The following PIWIL2 variants were observed in gnomAD, a reference collection of about 807,000 sequenced individuals.
The protein encoded by PIWIL2 is piwi like RNA-mediated gene silencing 2.
In PIWIL2, 81 loss-of-function variants were observed where a neutral mutation model predicts 116.5. The ratio of observed to expected loss-of-function variants is 0.70; its 90% confidence interval spans 0.58 to 0.84. PIWIL2 has a LOEUF of 0.84. Ranked by LOEUF, PIWIL2 falls within the 40% of genes least tolerant of loss-of-function variation. The probability of loss-of-function intolerance (pLI) is 0.00; values close to 1 mark genes in which losing one functional copy is unlikely to be tolerated. For synonymous variants in PIWIL2, 489 were observed against 429.5 expected (o/e 1.14, Z -1.71); for missense variants, 1,272 against 1,212.3 (o/e 1.05, Z -0.73).
At chr8:22,316,839 G>A (rs1021691763) in intron 19 of PIWIL2, among the ~76,000 whole-genome samples, 13 of 151,204 alleles carry the variant, frequency 8.6e-5, no homozygotes, top group Admixed American at 2.6e-4. Context: ...CTCCACTGGA[G>A]TGCAGTGGCA....
At chr8:22,317,862 C>T (rs956178645) in intron 19 of PIWIL2, among the ~76,000 whole-genome samples, 22 of 151,908 alleles carry the variant, frequency 1.4e-4, no homozygotes, top group African/African-American at 4.8e-4. Context: ...GGGGTTTCAC[C>T]GTGTTAGCCA....
At chr8:22,353,270 T>A (rs890375807) in intron 21 of PIWIL2, 58 bp downstream of exon 21, 2 of 1,481,768 alleles carry the variant, frequency 1.3e-6, no homozygotes, top group Admixed American at 3.6e-5. Context: ...GTTGTCACTT[T>A]CCTGAGTATT....
intron 3 of PIWIL2, 24 bp from the exon 4 acceptor site, chr8:22,281,353 C>G (rs760851991): frequency 5.0e-6 from 8 of 1,600,406 alleles, no homozygotes; most frequent in Non-Finnish European, 6.8e-6. Context: ...ATAGTCATTG[C>G]TGGGGTTCGG....
intron 20 of PIWIL2, among the ~76,000 whole-genome samples, chr8:22,331,673 G>T (rs1255137951): frequency 6.6e-6 from 1 of 152,080 alleles, no homozygotes; most frequent in Non-Finnish European, 1.5e-5. Context: ...CCAGCAACTG[G>T]CTTACACAAC....
chr8:22,328,818 G>GTTTTTTTTTTT (rs57027657), intron 20 of PIWIL2, among the ~76,000 whole-genome samples: 17 of 107,138 alleles, frequency 1.6e-4, no homozygotes, highest in East Asian at 3.1e-4. Flanking sequence ...AGCTCTAGTC[G>GTTTTTTTTTTT]TTTTTTTTTT....
intron 7 of PIWIL2, among the ~76,000 whole-genome samples, chr8:22,288,315 A>C (rs1416340500): frequency 6.6e-6 from 1 of 151,932 alleles, no homozygotes; most frequent in Admixed American, 6.6e-5. Context: ...AAAAAAAAAA[A>C]AAATTGCAAA....
chr8:22,290,137 G>A (rs1830725765), intron 9 of PIWIL2, 96 bp from the exon 10 acceptor site: 1 of 752,638 alleles, frequency 1.3e-6, no homozygotes, highest in African/African-American at 1.7e-5. Context: ...TACTATTAGG[G>A]AAGGGCAGTA....
intron 20 of PIWIL2, among the ~76,000 whole-genome samples, chr8:22,351,361 C>T (rs1394852079): frequency 7.2e-6 from 1 of 138,588 alleles, no homozygotes; most frequent in African/African-American, 2.7e-5. Context: ...TAAAGGGATT[C>T]TAAGTGCTTA....
Position 22,284,146 on chromosome 8 carries a change from TG to T in PIWIL2, c.633-15del, listed in dbSNP as rs1296637459. On this transcript the variant is annotated splice_polypyrimidine_tract_variant and intron_variant, in intron 5 of 22. Transcript: ENST00000356766. ...GTTTTTGATATATGCAGTTGCTTTT[TG>T]TTTTTATTTTCTAGAGAGCTTATTG... The T allele has an allele frequency of 6.8e-7, 1 of 1,464,048 alleles. No individual in the cohort carries two copies. Among genetic ancestry groups the T allele is most frequent in the East Asian group, 2.3e-5 (1 of 43,698 alleles). The allele number at this position is 1,464,048 out of a possible 1,614,324, so 90.7% of individuals were successfully genotyped here.
At position 22,310,013 on chromosome 8, in the gene PIWIL2, T is replaced by G; in HGVS notation, c.1739T>G (p.Phe580Cys). 2 of 1,612,226 alleles carry G rather than the reference T, an allele frequency of 1.2e-6. No homozygotes were observed. Among genetic ancestry groups the G allele is most frequent in the South Asian group, 1.1e-5 (1 of 91,026 alleles). The change falls in exon 15 of 23, where the codon TTT becomes TGT. Residue 580 changes from phenylalanine to cysteine, a missense_variant. Phe to Cys is a radical substitution (Grantham distance 205, BLOSUM62 -2). Transcript: ENST00000356766. ...MERINLKNTS[F>C]ITSQELNWVK... ...AGAATTAACTTAAAAAATACTTCGT[T>G]TATCACATCTCAGGAACTAAACTGG... is the stretch of plus-strand genomic sequence containing the variant.
chr8:22,333,994 G>A (rs945799560), intron 20 of PIWIL2, among the ~76,000 whole-genome samples: 4 of 150,330 alleles, frequency 2.7e-5, no homozygotes, highest in African/African-American at 9.8e-5. Context: ...TTTGGAGACA[G>A]TTTTTTCACT....
chr8:22,309,894 A>G (rs938202929), intron 14 of PIWIL2, 67 bp from the exon 15 acceptor site: 1 of 877,966 alleles, frequency 1.1e-6, no homozygotes, highest in Non-Finnish European at 1.9e-6. Flanking sequence ...CTTATAGAGC[A>G]GTAGCAGTGT....
chr8:22,353,281 G>A (rs1832415879), intron 21 of PIWIL2, 69 bp downstream of exon 21: 4 of 1,343,006 alleles, frequency 3.0e-6, no homozygotes, highest in East Asian at 2.3e-5. Context: ...CCTGAGTATT[G>A]GAATGGGGAG....
Position 22,355,919 on chromosome 8 carries a change from A to C in PIWIL2, c.*414A>C, listed in dbSNP as rs992408214. On this transcript the variant is annotated 3_prime_UTR_variant, in exon 23 of 23. Coordinates refer to ENST00000356766, the MANE Select transcript of PIWIL2 (RefSeq NM_018068.5). ...AAACCCCGTCTCTACTAAAATACAA[A>C]AAAATTAGCCGGGTGTGGCGGTGCA... 5.7e-6 allele frequency: 1 copy of C among 176,712 alleles called. No homozygotes were observed. Among genetic ancestry groups the C allele is most frequent in the Non-Finnish European group, 1.2e-5 (1 of 81,200 alleles). The allele number at this position is 176,712 out of a possible 1,614,324, so 10.9% of individuals were successfully genotyped here. A position where few individuals can be genotyped will look rare whatever the true frequency, so the allele number is the denominator to read the frequency against.
chr8:22,281,604 A>G, intron 4 of PIWIL2, 89 bp downstream of exon 4: 2 of 1,081,586 alleles, frequency 1.8e-6, no homozygotes, highest in South Asian at 3.7e-5. Flanking sequence ...GAGTTGTGTC[A>G]TCTCATAATC....
intron 20 of PIWIL2, among the ~76,000 whole-genome samples, chr8:22,351,112 C>G (rs990264250): frequency 6.6e-6 from 1 of 151,438 alleles, no homozygotes; most frequent in Non-Finnish European, 1.5e-5. Flanking sequence ...GATTGCATCA[C>G]TGCACTTCAG....
At chr8:22,318,020 G>A (rs4242431) in intron 19 of PIWIL2, 150 bp from the exon 20 acceptor site, 325,694 of 574,058 alleles carry the variant, frequency 0.57, 95,531 homozygotes, top group East Asian at 0.82. Flanking sequence ...CCATGTCACT[G>A]CTTGTTCTTA....
intron 20 of PIWIL2, among the ~76,000 whole-genome samples, chr8:22,321,324 G>T (rs1321109055): frequency 6.6e-6 from 1 of 151,998 alleles, no homozygotes; most frequent in Non-Finnish European, 1.5e-5. Context: ...TTTTGCCCAG[G>T]CTGGTCTGGA....
At chr8:22,312,633 G>A (rs992563399) in intron 16 of PIWIL2, among the ~76,000 whole-genome samples, 7 of 152,014 alleles carry the variant, frequency 4.6e-5, no homozygotes, top group African/African-American at 1.7e-4. Flanking sequence ...TCTTTCTTTG[G>A]TGTGTTTCTC....
Sources: allele counts gnomAD v4.1 joint callset (sites outside exome capture counted in the v4.1 genomes callset), GRCh38; gene constraint gnomAD v4.1.1; transcripts MANE v1.5; gene names NCBI Gene and HGNC (gene_info 2026-07-23, HGNC 2026-07-21).